Variants in TAFA5 observed in about 807,000 individuals in gnomAD.
TAFA5 encodes chemokine-like protein TAFA-5.
A neutral mutation model predicts 15.3 loss-of-function variants in TAFA5; 6 were observed. The ratio of observed to expected loss-of-function variants is 0.39; its 90% CI spans 0.21 to 0.77. TAFA5 has a LOEUF of 0.77. TAFA5 is among the 30% of genes least tolerant of loss of function. TAFA5 has a pLI of 0.41. For synonymous variants in TAFA5, 103 were observed against 80.7 expected (o/e 1.28, Z -1.48); for missense variants, 161 against 193.1 (o/e 0.83, Z 0.98).
intron 1 of TAFA5, among the ~76,000 whole-genome samples, chr22:48,499,619 G>A (rs1239740260): frequency 6.6e-6 from 1 of 152,196 alleles, no homozygotes; most frequent in Admixed American, 6.5e-5. Flanking sequence ...GGGGTCAGCC[G>A]GCCTGTGCTG....
At chr22:48,611,168 C>T in intron 1 of TAFA5, among the ~76,000 whole-genome samples, 1 of 152,210 alleles carries the variant, frequency 6.6e-6, no homozygotes, top group East Asian at 1.9e-4. Context: ...CTCCTGACCT[C>T]AAGCGATCCG....
In TAFA5 at chr22:48,742,655, G is replaced by T. The variant is rs1930214842; in HGVS notation, c.391-7184G>T. On this transcript the variant is annotated intron_variant, in intron 3 of 3. Transcript: ENST00000402357. This position sits in a 1 kb window ranked among gnomAD's most constrained non-coding sequence, Gnocchi z 6.2. The stretch of plus-strand genomic sequence containing the variant: ...ACGTGGTAGACCGGGCCGCATGGTG[G>T]ACCAGGCAACGTGGTAGACCGGGCA... 6.6e-6 allele frequency among the ~76,000 whole-genome samples: 1 copy of T among 152,152 alleles called. No individual in the cohort carries two copies.
intron 2 of TAFA5, among the ~76,000 whole-genome samples, chr22:48,671,650 T>A (rs1452429737): frequency 6.6e-6 from 1 of 152,116 alleles, no homozygotes; most frequent in African/African-American, 2.4e-5. Flanking sequence ...CAGACACATT[T>A]ATCAGAGAAT....
intron 1 of TAFA5, among the ~76,000 whole-genome samples, chr22:48,493,535 C>T (rs184054660): frequency 6.2e-4 from 94 of 152,256 alleles, no homozygotes; most frequent in African/African-American, 2.2e-3. Flanking sequence ...CTGGAGTTCT[C>T]GAAGAGGTAA....
Position 48,598,958 on chromosome 22 carries a change from C to T in TAFA5, c.113-47639C>T, listed in dbSNP as rs1924866482. On this transcript the variant is annotated intron_variant, in intron 1 of 3. Transcript: ENST00000402357. The surrounding 1 kb of genome is among the most constrained non-coding windows in gnomAD (Gnocchi z 4.0). Reference sequence around the variant, plus strand: ...GAAGCCCTTTGCTTACCATTCCCTGCTTGTTGTAAAGGGTATGACGGGCTG... The same window carrying T: ...GAAGCCCTTTGCTTACCATTCCCTGTTTGTTGTAAAGGGTATGACGGGCTG... Among the ~76,000 whole-genome samples, 1 of 151,878 alleles carries T rather than the reference C, an allele frequency of 6.6e-6. No individual in the cohort carries two copies. The highest frequency in any genetic ancestry group is 6.5e-5 in the Admixed American group (1 of 15,288).
intron 3 of TAFA5, among the ~76,000 whole-genome samples, chr22:48,741,849 C>T (rs1018479879): frequency 9.8e-5 from 15 of 152,342 alleles, no homozygotes; most frequent in African/African-American, 1.9e-4. Flanking sequence ...AGCAATAACA[C>T]GGCAGCCTTC....
intron 3 of TAFA5, among the ~76,000 whole-genome samples, chr22:48,715,415 G>A (rs1929372963): frequency 6.6e-6 from 1 of 152,110 alleles, no homozygotes; most frequent in African/African-American, 2.4e-5. Flanking sequence ...CAGCCTCAGA[G>A]ACAGCGGACA....
chr22:48,516,817 A>T (rs944836040), intron 1 of TAFA5, among the ~76,000 whole-genome samples: 20 of 152,148 alleles, frequency 1.3e-4, no homozygotes, highest in African/African-American at 3.9e-4. Context: ...GGGACACTGC[A>T]TGTGGCCCTC....
At chr22:48,537,310 C>T (rs899427974) in intron 1 of TAFA5, among the ~76,000 whole-genome samples, 1 of 152,204 alleles carries the variant, frequency 6.6e-6, no homozygotes, top group South Asian at 2.1e-4. Context: ...GGTGCATTTC[C>T]AGGCAAGATC....
At chr22:48,741,267 G>A (rs943281369) in intron 3 of TAFA5, among the ~76,000 whole-genome samples, 7 of 151,072 alleles carry the variant, frequency 4.6e-5, no homozygotes, top group African/African-American at 7.3e-5. Context: ...CCCACCCTGC[G>A]AAGGTGGAGC....
chr22:48,701,388 C>T (rs987272459), intron 2 of TAFA5, among the ~76,000 whole-genome samples: 13 of 152,296 alleles, frequency 8.5e-5, no homozygotes, highest in African/African-American at 2.9e-4. Context: ...ACACTGAGGA[C>T]GTGGCACACC....
Position 48,728,487 on chromosome 22 carries a change from T to C in TAFA5, c.390+20643T>C, listed in dbSNP as rs144159427. Among the ~76,000 whole-genome samples the C allele has an allele frequency of 2.9e-3, 444 of 152,328 alleles. 4 individuals carry two copies. Among genetic ancestry groups the C allele is most frequent in the African/African-American group, 0.01 (426 of 41,586 alleles). ...ATTTATAATATGGACAAAATACCACTTCCTAGGGCTTTTGTAAGCATTGGA... is the reference window on the plus strand; with the variant it reads ...ATTTATAATATGGACAAAATACCACCTCCTAGGGCTTTTGTAAGCATTGGA... On this transcript the variant is annotated intron_variant, in intron 3 of 3. Transcript: ENST00000402357.
chr22:48,660,124 A>G (rs925262341), intron 2 of TAFA5, among the ~76,000 whole-genome samples: 1 of 152,096 alleles, frequency 6.6e-6, no homozygotes, highest in African/African-American at 2.4e-5. Context: ...TATTCTCTCA[A>G]GGGCTGTCCC....
intron 2 of TAFA5, among the ~76,000 whole-genome samples, chr22:48,664,873 G>C (rs1352307774): frequency 6.6e-6 from 1 of 152,174 alleles, no homozygotes; most frequent in African/African-American, 2.4e-5. Flanking sequence ...TGAATTTTTA[G>C]TCATTCTGCG....
intron 2 of TAFA5, among the ~76,000 whole-genome samples, chr22:48,656,901 G>A (rs1000822375): frequency 8.6e-5 from 13 of 151,846 alleles, no homozygotes; most frequent in African/African-American, 2.4e-4. Flanking sequence ...AAATAGCTGG[G>A]ATTACAGGCT....
intron 2 of TAFA5, among the ~76,000 whole-genome samples, chr22:48,689,822 C>T (rs1928481874): frequency 6.6e-6 from 1 of 152,202 alleles, no homozygotes; most frequent in Non-Finnish European, 1.5e-5. Context: ...GCCTTCCTTG[C>T]ACCACCCTCT....
At chr22:48,541,914 A>C (rs1922387853) in intron 1 of TAFA5, among the ~76,000 whole-genome samples, 1 of 152,156 alleles carries the variant, frequency 6.6e-6, no homozygotes, top group South Asian at 2.1e-4. Context: ...CAGATACCCC[A>C]GGGGATCGTG....
At chr22:48,544,296 G>T (rs1922575341) in intron 1 of TAFA5, 1 of 251,432 alleles carries the variant, frequency 4.0e-6, no homozygotes, top group Non-Finnish European at 7.9e-6. Context: ...TGTGGACCTG[G>T]GGGGCATCCT....
intron 2 of TAFA5, among the ~76,000 whole-genome samples, chr22:48,704,214 A>T (rs1248797832): frequency 6.6e-6 from 1 of 151,960 alleles, no homozygotes; most frequent in Non-Finnish European, 1.5e-5. Flanking sequence ...ACACACACAC[A>T]CACACACACG....
Sources: gnomAD v4.1 joint callset for allele counts (sites outside exome capture counted in the v4.1 genomes callset) on GRCh38, gnomAD v4.1.1 for gene constraint, Gnocchi (gnomAD v3.1) non-coding constraint, MANE v1.5 for transcripts, NCBI Gene and HGNC (gene_info 2026-07-23, HGNC 2026-07-21) for gene names.